Variants in GRB10 observed in about 807,000 individuals in gnomAD.
GRB10 encodes the protein growth factor receptor bound protein 10.
In GRB10, 20 loss-of-function variants were observed where a neutral mutation model predicts 80.9. That is an observed-to-expected ratio of 0.25 (90% confidence interval 0.17 to 0.36). GRB10 has a LOEUF of 0.36. Ranked by LOEUF, GRB10 falls within the 10% of genes least tolerant of loss-of-function variation. The probability of loss-of-function intolerance (pLI) is 1.00; values close to 1 mark genes in which losing one functional copy is unlikely to be tolerated. For synonymous variants in GRB10, 291 were observed against 291.5 expected (o/e 1.00, Z 0.02); for missense variants, 548 against 747.7 (o/e 0.73, Z 3.12).
intron 3 of GRB10, among the ~76,000 whole-genome samples, chr7:50,734,622 T>C (rs2070471670): frequency 6.6e-6 from 1 of 152,258 alleles, no homozygotes; most frequent in Non-Finnish European, 1.5e-5. Flanking sequence ...TCAAACTTAA[T>C]GTGTGTTAAG....
At chr7:50,770,865 G>C (rs919607081) in intron 2 of GRB10, among the ~76,000 whole-genome samples, 1 of 151,930 alleles carries the variant, frequency 6.6e-6, no homozygotes, top group African/African-American at 2.4e-5. Flanking sequence ...TTTTTTAAAT[G>C]CCTGTCAATT....
At chr7:50,602,942 AGAG>A (rs1476377413) in intron 17 of GRB10, among the ~76,000 whole-genome samples, 2 of 152,152 alleles carry the variant, frequency 1.3e-5, no homozygotes, top group Non-Finnish European at 2.9e-5. Flanking sequence ...AGAGAGATGA[AGAG>A]GAGGAGGAGG....
chr7:50,692,884 C>T (rs1249724354), intron 5 of GRB10, among the ~76,000 whole-genome samples: 1 of 152,110 alleles, frequency 6.6e-6, no homozygotes, highest in African/African-American at 2.4e-5. Flanking sequence ...GGCTTTGATT[C>T]CCATCCCACC....
chr7:50,617,781 G>C, intron 10 of GRB10: 1 of 499,234 alleles, frequency 2.0e-6, no homozygotes, highest in Non-Finnish European at 3.6e-6. Flanking sequence ...TGCACCCCCT[G>C]GCCCACACTC....
At chr7:50,727,892 T>C (rs1417703291) in intron 4 of GRB10, 1 of 152,228 alleles carries the variant, frequency 6.6e-6, no homozygotes, top group Non-Finnish European at 1.5e-5. Context: ...ACAATGACGC[T>C]GAAAACAGAA....
intron 5 of GRB10, among the ~76,000 whole-genome samples, chr7:50,690,885 G>A (rs1013360966): frequency 1.3e-5 from 2 of 152,194 alleles, no homozygotes; most frequent in Non-Finnish European, 2.9e-5. Flanking sequence ...GTCAGAGCAT[G>A]GGGAAGGCGA....
chr7:50,757,515 T>C (rs1035860708), intron 2 of GRB10, among the ~76,000 whole-genome samples: 1 of 152,224 alleles, frequency 6.6e-6, no homozygotes, highest in African/African-American at 2.4e-5. Flanking sequence ...TGATACATGA[T>C]TATGAGACTG....
At chr7:50,699,863 C>T (rs1236746624) in intron 5 of GRB10, among the ~76,000 whole-genome samples, 5 of 152,066 alleles carry the variant, frequency 3.3e-5, no homozygotes, top group East Asian at 1.9e-4. Context: ...GGGCCAGGCG[C>T]GGTGGCTCAT....
chr7:50,662,626 G>T (rs1415695040), intron 7 of GRB10, among the ~76,000 whole-genome samples: 1 of 152,214 alleles, frequency 6.6e-6, no homozygotes, highest in Non-Finnish European at 1.5e-5. Context: ...CCTCTAGTTG[G>T]CTGTGTGACT....
chr7:50,679,438 T>C (rs1288757338), intron 5 of GRB10, among the ~76,000 whole-genome samples: 1 of 152,202 alleles, frequency 6.6e-6, no homozygotes, highest in African/African-American at 2.4e-5. Context: ...CATTTCTTAG[T>C]TTACAGCACC....
At chr7:50,608,393 C>T (rs907906503) in intron 13 of GRB10, among the ~76,000 whole-genome samples, 1 of 152,056 alleles carries the variant, frequency 6.6e-6, no homozygotes, top group Non-Finnish European at 1.5e-5. Context: ...GAAAGTGAAA[C>T]AAAAAGTGAG....
At chr7:50,687,295 A>G (rs1407600009) in intron 5 of GRB10, among the ~76,000 whole-genome samples, 1 of 152,224 alleles carries the variant, frequency 6.6e-6, no homozygotes, top group African/African-American at 2.4e-5. Flanking sequence ...GGCAGGATAC[A>G]TTCCCCAGCA....
chr7:50,618,319 T>C (rs1250783182), intron 9 of GRB10, among the ~76,000 whole-genome samples, 180 bp from the exon 10 acceptor site: 1 of 152,208 alleles, frequency 6.6e-6, no homozygotes, highest in Non-Finnish European at 1.5e-5. Flanking sequence ...TTCAAAAGGT[T>C]GTATTTTGTT....
chr7:50,632,246 C>T (rs2054133389), intron 7 of GRB10, among the ~76,000 whole-genome samples: 1 of 152,184 alleles, frequency 6.6e-6, no homozygotes, highest in Non-Finnish European at 1.5e-5. Context: ...ATAAAGAGAA[C>T]ACGCATAATA....
In GRB10 at chr7:50,716,083, G is replaced by A. The variant is rs1587379543; in HGVS notation, c.52-12175C>T. On this transcript the variant is annotated intron_variant, in intron 4 of 18. Transcript: ENST00000401949. Reference sequence around the variant, plus strand: ...GCTCTCCACACACATCTCCAGCTGAGGATTAATGACGCATGCATGTAAGGA... The same window carrying A: ...GCTCTCCACACACATCTCCAGCTGAAGATTAATGACGCATGCATGTAAGGA... 1.3e-5 allele frequency among the ~76,000 whole-genome samples: 2 copies of A among 152,298 alleles called. 1 individual carries two copies. Among genetic ancestry groups the A allele is most frequent in the Middle Eastern group, 6.8e-3 (2 of 294 alleles).
At chr7:50,758,216 C>T (rs369002806) in intron 2 of GRB10, among the ~76,000 whole-genome samples, 12 of 152,240 alleles carry the variant, frequency 7.9e-5, no homozygotes, top group Non-Finnish European at 1.2e-4. Flanking sequence ...CATCTGGCAC[C>T]GACACCCAGA....
intron 17 of GRB10, among the ~76,000 whole-genome samples, chr7:50,596,787 T>A (rs1011625449): frequency 1.3e-5 from 2 of 152,244 alleles, no homozygotes; most frequent in Non-Finnish European, 2.9e-5. Flanking sequence ...GGGCGAAGTG[T>A]GTATAGTTCA....
At chr7:50,630,546 G>C (rs1037810035) in intron 7 of GRB10, among the ~76,000 whole-genome samples, 1 of 152,170 alleles carries the variant, frequency 6.6e-6, no homozygotes, top group Non-Finnish European at 1.5e-5. Context: ...GAAGGGTGCA[G>C]GGGCAGGACC....
intron 7 of GRB10, among the ~76,000 whole-genome samples, chr7:50,657,361 C>G (rs2058747036): frequency 6.6e-6 from 1 of 152,126 alleles, no homozygotes; most frequent in Admixed American, 6.5e-5. Context: ...CTTCCCACTT[C>G]CTCGAGTGTC....
Sources: allele counts gnomAD v4.1 joint callset (sites outside exome capture counted in the v4.1 genomes callset), GRCh38; gene constraint gnomAD v4.1.1; transcripts MANE v1.5; gene names NCBI Gene and HGNC (gene_info 2026-07-23, HGNC 2026-07-21).